CNTN5: variants seen among roughly 807,000 people sequenced by gnomAD.
CNTN5 encodes contactin 5, also known as contactin-5.
A neutral mutation model predicts 129.1 loss-of-function variants in CNTN5; 77 were observed. That is an observed-to-expected ratio of 0.60 (90% CI 0.50 to 0.72). The LOEUF (loss-of-function observed/expected upper bound fraction) is 0.72. CNTN5 is among the 30% of genes least tolerant of loss of function. The pLI is 0.00. For synonymous variants in CNTN5, 509 were observed against 465.6 expected (o/e 1.09, Z -1.20); for missense variants, 1,478 against 1,328.8 (o/e 1.11, Z -1.75).
rs1040194817 is a variant in CNTN5 at position 99,671,144 on chromosome 11, T to C, written c.55+114875T>C. 3.8e-4 allele frequency among the ~76,000 whole-genome samples: 7 copies of C among 18,304 alleles called. No individual in the cohort carries two copies. The Admixed American group carries it at 7.1e-3, about 19-fold the overall frequency. 12.0% of individuals were successfully genotyped at this position (18,304 alleles called of 152,430 possible). A position where few individuals can be genotyped will look rare whatever the true frequency, so the allele number is the denominator to read the frequency against. The stretch of plus-strand genomic sequence containing the variant: ...TCTCTCTCTTGGCTTCCCATGTAGA[T>C]TGAGTTTTTTTTTTTTTATGTGTTA... On this transcript the variant is annotated intron_variant, in intron 3 of 24. Transcript: ENST00000524871.
rs1555167359 is a variant in CNTN5 at position 99,961,206 on chromosome 11, G to GAGAAAA, written c.877+4198_877+4199insGAAAAA. The stretch of plus-strand genomic sequence containing the variant: ...GGCCATAGAGTGAGACTCCGTCTCA[G>GAGAAAA]AAAAAAAAAAAAAAAAAAACAGTAG... On this transcript the variant is annotated intron_variant, in intron 8 of 24. Transcript: ENST00000524871. Among the ~76,000 whole-genome samples, 33 of 95,668 alleles carry GAGAAAA rather than the reference G, an allele frequency of 3.4e-4. 1 individual carries two copies. Among genetic ancestry groups the GAGAAAA allele is most frequent in the African/African-American group, 8.9e-4 (22 of 24,820 alleles). 62.8% of individuals were successfully genotyped at this position (95,668 alleles called of 152,430 possible). A position where few individuals can be genotyped will look rare whatever the true frequency, so the allele number is the denominator to read the frequency against.
chr11:99,827,806 C>G (rs963547726), intron 4 of CNTN5, among the ~76,000 whole-genome samples: 3 of 150,834 alleles, frequency 2.0e-5, no homozygotes, highest in Non-Finnish European at 4.4e-5. Context: ...AATCAGAATG[C>G]TTTCTGAATG....
At chr11:99,812,597 G>A (rs987334797) in intron 3 of CNTN5, among the ~76,000 whole-genome samples, 1 of 152,078 alleles carries the variant, frequency 6.6e-6, no homozygotes, top group Admixed American at 6.6e-5. Context: ...TAAAGTCAAG[G>A]AAGCTAAATC....
intron 9 of CNTN5, among the ~76,000 whole-genome samples, chr11:100,048,054 C>A (rs1178637136): frequency 6.6e-6 from 1 of 152,080 alleles, no homozygotes; most frequent in Non-Finnish European, 1.5e-5. Context: ...TGGCATGAAT[C>A]CCGAGGGCGG....
chr11:100,083,901 G>A (rs1467682901), intron 13 of CNTN5, among the ~76,000 whole-genome samples: 1 of 151,752 alleles, frequency 6.6e-6, no homozygotes, highest in East Asian at 1.9e-4. Context: ...TTTGTTTCTA[G>A]ATTTCACTTT....
At chr11:99,771,161 A>G (rs1204217712) in intron 3 of CNTN5, among the ~76,000 whole-genome samples, 1 of 152,052 alleles carries the variant, frequency 6.6e-6, no homozygotes, top group Admixed American at 6.6e-5. Flanking sequence ...TTGGGGTCAC[A>G]TCTCAAGTAG....
chr11:99,554,567 A>G (rs539364607), intron 2 of CNTN5, among the ~76,000 whole-genome samples: 8 of 152,142 alleles, frequency 5.3e-5, no homozygotes, highest in Non-Finnish European at 1.2e-4. Context: ...ACCTTAGGAC[A>G]TTGTAAATAG....
Position 99,597,324 on chromosome 11 carries a change from T to C in CNTN5, c.55+41055T>C, listed in dbSNP as rs187580625. Reference sequence around the variant, plus strand: ...TTCTATCCCAATTAGTTAAATTCAGTCCACCTTTGTATGCTTTCAATTCCT... The same window carrying C: ...TTCTATCCCAATTAGTTAAATTCAGCCCACCTTTGTATGCTTTCAATTCCT... On this transcript the variant is annotated intron_variant, in intron 3 of 24. Transcript: ENST00000524871. Among the ~76,000 whole-genome samples, 668 of 152,294 alleles carry C rather than the reference T, an allele frequency of 4.4e-3. 18 individuals are homozygous for C. Among genetic ancestry groups the C allele is most frequent in the East Asian group, 5.8e-3 (30 of 5,180 alleles).
intron 3 of CNTN5, among the ~76,000 whole-genome samples, chr11:99,699,537 C>T (rs776527159): frequency 2.0e-5 from 3 of 151,332 alleles, no homozygotes; most frequent in Non-Finnish European, 4.4e-5. Context: ...ATAAACAATA[C>T]TCTGATTTTT....
intron 3 of CNTN5, among the ~76,000 whole-genome samples, chr11:99,581,806 G>T (rs1467134930): frequency 2.0e-5 from 3 of 152,048 alleles, no homozygotes; most frequent in Non-Finnish European, 4.4e-5. Context: ...CTTTTAATTG[G>T]AGCATTTAGC....
intron 6 of CNTN5, among the ~76,000 whole-genome samples, chr11:99,877,173 C>T (rs563581678): frequency 1.3e-5 from 2 of 152,174 alleles, no homozygotes; most frequent in South Asian, 4.1e-4. Context: ...TGTTTTCCAT[C>T]TTTGTGAAAA....
intron 13 of CNTN5, among the ~76,000 whole-genome samples, chr11:100,168,559 G>A (rs1947721482): frequency 6.6e-6 from 1 of 151,930 alleles, no homozygotes; most frequent in Non-Finnish European, 1.5e-5. Flanking sequence ...GCCCACTGTT[G>A]AGAAATACTG....
intron 2 of CNTN5, among the ~76,000 whole-genome samples, chr11:99,502,765 C>T (rs563026072): frequency 2.6e-5 from 4 of 152,190 alleles, no homozygotes; most frequent in Admixed American, 2.6e-4. Context: ...AAACCATACA[C>T]CCTCCTAGAG....
intron 1 of CNTN5, among the ~76,000 whole-genome samples, chr11:99,210,142 A>C (rs1376351567): frequency 6.6e-6 from 1 of 152,134 alleles, no homozygotes; most frequent in Non-Finnish European, 1.5e-5. Context: ...GAGCCTACTA[A>C]CCACCTACTT....
chr11:99,490,403 T>A (rs887008023), intron 2 of CNTN5, among the ~76,000 whole-genome samples: 1 of 152,234 alleles, frequency 6.6e-6, no homozygotes, highest in Non-Finnish European at 1.5e-5. Flanking sequence ...AATTTTTATT[T>A]GACCATAAAG....
At chr11:99,905,308 A>G (rs184188177) in intron 6 of CNTN5, among the ~76,000 whole-genome samples, 71 of 152,252 alleles carry the variant, frequency 4.7e-4, no homozygotes, top group African/African-American at 1.7e-3. Context: ...ACTTGAGTTA[A>G]TTTTTGTATA....
chr11:99,253,556 C>G (rs1046514373), intron 1 of CNTN5, among the ~76,000 whole-genome samples: 2 of 151,766 alleles, frequency 1.3e-5, no homozygotes, highest in African/African-American at 4.8e-5. Flanking sequence ...TACATTTCAC[C>G]TAAGATTTTT....
intron 1 of CNTN5, among the ~76,000 whole-genome samples, chr11:99,305,972 C>T (rs1864856704): frequency 1.3e-5 from 2 of 151,106 alleles, no homozygotes; most frequent in Admixed American, 6.6e-5. Flanking sequence ...CACAGTGAAA[C>T]TCCGCCTCAA....
At chr11:99,242,315 A>G (rs770758553) in intron 1 of CNTN5, among the ~76,000 whole-genome samples, 5 of 152,156 alleles carry the variant, frequency 3.3e-5, no homozygotes, top group African/African-American at 4.8e-5. Flanking sequence ...AGGAAGAAAC[A>G]TATTGAAGAA....
Sources: allele counts gnomAD v4.1 joint callset (sites outside exome capture counted in the v4.1 genomes callset), GRCh38; gene constraint gnomAD v4.1.1; transcripts MANE v1.5; gene names NCBI Gene and HGNC (gene_info 2026-07-23, HGNC 2026-07-21).